Variants in CDK12 observed in about 807,000 individuals in gnomAD.
CDK12 encodes cyclin dependent kinase 12, also known as cyclin-dependent kinase 12.
Under a neutral mutation model 133.8 loss-of-function variants are expected in CDK12, and 17 were observed. The ratio of observed to expected loss-of-function variants is 0.13; its 90% confidence interval spans 0.09 to 0.19. The LOEUF (loss-of-function observed/expected upper bound fraction) is 0.19. CDK12 is among the 10% of genes least tolerant of loss of function. The pLI is 1.00. For missense variants in CDK12, 1,508 were observed against 1,818.7 expected (o/e 0.83, Z 3.11); for synonymous variants, 694 against 683.6 (o/e 1.02, Z -0.24).
At chr17:39,548,487 G>GA (rs535325055), upstream of CDK12, among the ~76,000 whole-genome samples, 7 of 152,236 alleles carry the variant, frequency 4.6e-5, no homozygotes, top group South Asian at 4.1e-4. Flanking sequence ...TTTTTAGGGG[G>GA]AAAAAATCTC....
intron 10 of CDK12, among the ~76,000 whole-genome samples, chr17:39,518,837 G>A (rs1349637346): frequency 1.3e-5 from 2 of 152,030 alleles, no homozygotes; most frequent in South Asian, 2.1e-4. Flanking sequence ...GGGATTATAG[G>A]TGTAAGCCCA....
At chr17:39,476,166 G>A (rs1472570824) in intron 2 of CDK12, among the ~76,000 whole-genome samples, 1 of 151,790 alleles carries the variant, frequency 6.6e-6, no homozygotes, top group Non-Finnish European at 1.5e-5. Flanking sequence ...CCAGGCTGGA[G>A]TGCAGTGGCA....
At chr17:39,469,639 T>C (rs1357196707) in intron 1 of CDK12, among the ~76,000 whole-genome samples, 3 of 150,194 alleles carry the variant, frequency 2.0e-5, no homozygotes, top group Non-Finnish European at 3.0e-5. Context: ...ATGACTTCTT[T>C]TTTTTTTTTT....
At position 39,462,683 on chromosome 17, in the gene CDK12, G is replaced by A. The variant is rs2144890874; in HGVS notation, c.612G>A (p.Arg204=). Residue 204 remains arginine, a synonymous_variant, in exon 1 of 14, where the codon AGG becomes AGA. Coordinates refer to ENST00000447079, the MANE Select transcript of CDK12 (RefSeq NM_016507.4). ...ACCGGAGTAAAAGTCATCGAAAAAG[G>A]GAAACACCCAAAAGTTACAAAACAG... ...HKDRSKSHRK[R]ETPKSYKTVD... 1 of 1,614,138 alleles carries A rather than the reference G, an allele frequency of 6.2e-7. No individual in the cohort carries two copies. The highest frequency in any genetic ancestry group is 8.5e-7 in the Non-Finnish European group (1 of 1,180,024).
chr17:39,542,467 A>T (rs1195940636), intron 1 of CDK12, among the ~76,000 whole-genome samples: 1 of 151,844 alleles, frequency 6.6e-6, no homozygotes, highest in African/African-American at 2.4e-5. Flanking sequence ...CTGGGATTAC[A>T]GGCGTGAGCC....
At position 39,533,791 on chromosome 17, in the gene CDK12, A is replaced by G; in HGVS notation, c.*2475A>G. ...GGTAGTTTTGACTATTTCTAAAAGC[A>G]GAGGAGAAAAAAAAACTTATTTAAA... On this transcript the variant is annotated 3_prime_UTR_variant, in exon 14 of 14. Coordinates refer to ENST00000447079, the MANE Select transcript of CDK12 (RefSeq NM_016507.4). The G allele has an allele frequency of 4.3e-6, 1 of 232,628 alleles. No homozygotes were observed. The highest frequency in any genetic ancestry group is 8.5e-6 in the Non-Finnish European group (1 of 117,612). The allele number at this position is 232,628 out of a possible 1,614,324, so 14.4% of individuals were successfully genotyped here. A position where few individuals can be genotyped will look rare whatever the true frequency, so the allele number is the denominator to read the frequency against.
intron 3 of CDK12, among the ~76,000 whole-genome samples, chr17:39,562,969 A>G: frequency 6.8e-6 from 1 of 146,160 alleles, no homozygotes; most frequent in African/African-American, 2.6e-5. Context: ...TAGCATGACT[A>G]ATGGCTAGAG....
In CDK12 at chr17:39,530,919, G is replaced by A; in HGVS notation, c.4076G>A (p.Gly1359Asp). ...SAIDTDERNS[G>D]PALTESLVQT... is the part of the protein sequence containing the mutation. ...ATTGACACTGATGAACGAAACTCTGGTCCAGCCTTGACAGAATCCTTGGTC... is the reference window on the plus strand; with the variant it reads ...ATTGACACTGATGAACGAAACTCTGATCCAGCCTTGACAGAATCCTTGGTC... Residue 1359 changes from glycine to aspartate, a missense_variant, in exon 14 of 14, where the codon GGT becomes GAT. Gly to Asp is a moderately conservative substitution (Grantham distance 94, BLOSUM62 -1). Around this residue, in one of 9 missense-constraint regions of CDK12, gnomAD observed 399 missense variants for 469.6 expected, o/e 0.85. Coordinates refer to ENST00000447079, the MANE Select transcript of CDK12 (RefSeq NM_016507.4). 12 of 1,614,208 alleles carry A rather than the reference G, an allele frequency of 7.4e-6. No individual in the cohort carries two copies. The highest frequency in any genetic ancestry group is 1.3e-5 in the African/African-American group (1 of 75,048).
intron 10 of CDK12, 123 bp from the exon 11 acceptor site, chr17:39,519,833 G>A (rs745368726): frequency 1.0e-4 from 97 of 946,086 alleles, no homozygotes; most frequent in Non-Finnish European, 1.4e-4. Flanking sequence ...CTGGCCTCAC[G>A]CAGTCCTACC....
chr17:39,506,222 T>C (rs928725187), intron 6 of CDK12, among the ~76,000 whole-genome samples: 6 of 148,148 alleles, frequency 4.1e-5, no homozygotes, highest in Admixed American at 3.3e-4. Flanking sequence ...ATTTTTTTTT[T>C]TTTTTTTTTT....
chr17:39,512,803 C>T (rs4795377), intron 8 of CDK12, among the ~76,000 whole-genome samples: 95,659 of 151,814 alleles, frequency 0.63, 32,832 homozygotes, highest in South Asian at 0.89. Context: ...TTTTATATAA[C>T]GGTTTTCAAA....
chr17:39,557,336 A>T lies in CDK12; in HGVS notation n.484+923A>T, dbSNP rs113375265. ...CTAAGCTGGTCTTTTTGATCTGGTT[A>T]TGCTGCTGCTTTTTACTTTTCCTTC... On this transcript the variant is annotated intron_variant and non_coding_transcript_variant, in intron 3 of 3. Coordinates refer to the CDK12 transcript ENST00000558240. Among the ~76,000 whole-genome samples the T allele has an allele frequency of 4.3e-4, 65 of 152,286 alleles. 1 individual carries two copies. The highest frequency in any genetic ancestry group is 3.4e-3 in the Middle Eastern group (1 of 294).
At position 39,507,054 on chromosome 17, in the gene CDK12, G is replaced by A. The variant is rs1179078515; in HGVS notation, c.2610-2651G>A. On this transcript the variant is annotated intron_variant, in intron 6 of 13. Transcript: ENST00000447079. ...TAGGACTACAGGTGTCTGCCGCCAC[G>A]CCCAGCTAATTTTTGTATTTTTAGT... 3.3e-5 allele frequency among the ~76,000 whole-genome samples: 5 copies of A among 151,802 alleles called. No individual in the cohort carries two copies. In the East Asian group the frequency reaches 5.9e-4, roughly 18 times the overall value.
At chr17:39,513,773 G>GT (rs1408099650) in intron 8 of CDK12, among the ~76,000 whole-genome samples, 2 of 152,192 alleles carry the variant, frequency 1.3e-5, no homozygotes, top group African/African-American at 4.8e-5. Context: ...TTAAGATTTT[G>GT]TTTGAGTTTT....
At chr17:39,543,521 G>A (rs1325983689), upstream of CDK12, among the ~76,000 whole-genome samples, 1 of 152,194 alleles carries the variant, frequency 6.6e-6, no homozygotes, top group African/African-American at 2.4e-5. Flanking sequence ...AGGGAGGAGG[G>A]CATCATTGGG....
chr17:39,560,653 G>A (rs2056339733), intron 3 of CDK12, among the ~76,000 whole-genome samples: 1 of 152,228 alleles, frequency 6.6e-6, no homozygotes, highest in Non-Finnish European at 1.5e-5. Context: ...GATGTTGGGG[G>A]CAGGGAGAGC....
chr17:39,499,221 TTTTGA>T (rs1480706823), intron 5 of CDK12, among the ~76,000 whole-genome samples: 1 of 108,828 alleles, frequency 9.2e-6, no homozygotes, highest in Non-Finnish European at 1.8e-5. Context: ...TTTTTTTTTT[TTTTGA>T]GACAGAGTCT....
chr17:39,520,590 C>T (rs193056585), intron 11 of CDK12, among the ~76,000 whole-genome samples: 134 of 152,162 alleles, frequency 8.8e-4, no homozygotes, highest in African/African-American at 3.0e-3. Flanking sequence ...GGGGTTACAC[C>T]TTGCTGGCCC....
chr17:39,510,431 T>C (rs965193839), intron 7 of CDK12, among the ~76,000 whole-genome samples: 3 of 151,956 alleles, frequency 2.0e-5, no homozygotes, highest in Admixed American at 6.6e-5. Context: ...CAAGAATCTT[T>C]TTTATTCCTA....
Sources: allele counts gnomAD v4.1 joint callset (sites outside exome capture counted in the v4.1 genomes callset), GRCh38; gene constraint gnomAD v4.1.1; regional missense constraint gnomAD v4.1.1; transcripts MANE v1.5; gene names NCBI Gene and HGNC (gene_info 2026-07-23, HGNC 2026-07-21).